The following TBCK variants were observed in gnomAD, a reference collection of about 807,000 sequenced individuals.
TBCK encodes the protein TBC1 domain containing kinase, also known as TBC domain-containing protein kinase-like protein.
In TBCK, 99 loss-of-function variants were observed where a neutral mutation model predicts 113.4. That is an observed-to-expected ratio of 0.87 (90% CI 0.74 to 1.03). TBCK has a LOEUF of 1.03. TBCK is among the 50% of genes least tolerant of loss of function. The probability of loss-of-function intolerance (pLI) is 0.00; values close to 1 mark genes in which losing one functional copy is unlikely to be tolerated. For synonymous variants in TBCK, 369 were observed against 370.8 expected (o/e 1.00, Z 0.05); for missense variants, 1,045 against 1,061.3 (o/e 0.98, Z 0.21).
At chr4:106,272,138 CAG>C (rs72610986) in intron 3 of TBCK, among the ~76,000 whole-genome samples, 19,651 of 152,112 alleles carry the variant, frequency 0.13, 1,588 homozygotes, top group South Asian at 0.24. Context: ...TAGATTTAAA[CAG>C]AACAAAGTTT....
intron 25 of TBCK, among the ~76,000 whole-genome samples, chr4:106,061,374 A>G (rs1736023723): frequency 6.6e-6 from 1 of 151,220 alleles, no homozygotes; most frequent in Non-Finnish European, 1.5e-5. Context: ...ATCAGTGTGG[A>G]GGCAAGACCT....
intron 23 of TBCK, among the ~76,000 whole-genome samples, chr4:106,152,489 A>T (rs1579062147): frequency 1.3e-5 from 2 of 151,802 alleles, no homozygotes; most frequent in African/African-American, 4.8e-5. Context: ...GGTTTGCTAA[A>T]TTTTTTTTGA....
chr4:106,157,731 G>C (rs910167813), intron 23 of TBCK, among the ~76,000 whole-genome samples: 3 of 152,240 alleles, frequency 2.0e-5, no homozygotes, highest in Non-Finnish European at 1.5e-5. Context: ...CTTTTTCAGT[G>C]ACATGAAGTT....
intron 19 of TBCK, among the ~76,000 whole-genome samples, chr4:106,225,408 T>G (rs1032778410): frequency 6.6e-6 from 1 of 152,214 alleles, no homozygotes; most frequent in Non-Finnish European, 1.5e-5. Flanking sequence ...TATTGGATGT[T>G]AAAATGTATT....
rs1560706108 is a variant in TBCK at position 106,137,919 on chromosome 4, TTA to T, written c.2236-21543_2236-21542del. ...TATACGGTATCATTCTGGAGACATT[TTA>T]TCTCTCTGGGCCTCAGTTTTCTCAA... is the stretch of plus-strand genomic sequence containing the variant. On this transcript the variant is annotated intron_variant, in intron 23 of 25. Transcript: ENST00000394708. 1.4e-5 allele frequency among the ~76,000 whole-genome samples: 2 copies of T among 140,874 alleles called. 1 individual carries two copies. Among genetic ancestry groups the T allele is most frequent in the Non-Finnish European group, 3.2e-5 (2 of 61,898 alleles). 92.4% of individuals were successfully genotyped at this position (140,874 alleles called of 152,430 possible).
intron 22 of TBCK, among the ~76,000 whole-genome samples, chr4:106,189,674 A>G (rs562203098): frequency 6.6e-6 from 1 of 152,312 alleles, no homozygotes; most frequent in South Asian, 2.1e-4. Flanking sequence ...ACAAATATTA[A>G]TATCAATTAT....
chr4:106,235,403 T>C, intron 14 of TBCK, 36 bp from the exon 15 acceptor site: 1 of 1,415,722 alleles, frequency 7.1e-7, no homozygotes, highest in Non-Finnish European at 9.8e-7. Flanking sequence ...ACGTCTCAAA[T>C]TACCTAGTGC....
At chr4:106,067,607 C>T (rs878946038) in intron 25 of TBCK, among the ~76,000 whole-genome samples, 1 of 152,210 alleles carries the variant, frequency 6.6e-6, no homozygotes, top group African/African-American at 2.4e-5. Context: ...ACATTTTCCT[C>T]TAAGAGTTTT....
At chr4:106,132,629 G>T (rs528216149) in intron 23 of TBCK, among the ~76,000 whole-genome samples, 28 of 152,184 alleles carry the variant, frequency 1.8e-4, no homozygotes, top group Non-Finnish European at 3.4e-4. Context: ...GATCCACTGA[G>T]AGCTTGCACT....
chr4:106,153,979 C>T (rs1326193900), intron 23 of TBCK, among the ~76,000 whole-genome samples: 1 of 152,006 alleles, frequency 6.6e-6, no homozygotes, highest in Non-Finnish European at 1.5e-5. Context: ...TTGTAGGTAA[C>T]AAACAGATCA....
intron 2 of TBCK, among the ~76,000 whole-genome samples, chr4:106,298,687 G>GA (rs1161000021): frequency 2.6e-5 from 4 of 151,722 alleles, no homozygotes; most frequent in Admixed American, 2.0e-4. Flanking sequence ...GATAAGGAAA[G>GA]AAAAAAAACC....
intron 3 of TBCK, among the ~76,000 whole-genome samples, chr4:106,289,023 C>T (rs772943111): frequency 7.9e-5 from 12 of 152,146 alleles, no homozygotes; most frequent in Non-Finnish European, 1.8e-4. Flanking sequence ...AAAAACAAAT[C>T]CCAAATCCGA....
intron 24 of TBCK, among the ~76,000 whole-genome samples, chr4:106,105,289 G>A (rs1034786855): frequency 1.3e-5 from 2 of 152,194 alleles, no homozygotes; most frequent in African/African-American, 2.4e-5. Context: ...GGCTGACTTC[G>A]CTGAGTGATT....
At chr4:106,264,243 GAA>G (rs5860822) in intron 3 of TBCK, among the ~76,000 whole-genome samples, 17 of 151,718 alleles carry the variant, frequency 1.1e-4, no homozygotes, top group Admixed American at 2.0e-4. Context: ...ATTAAATGAA[GAA>G]AAAAAAATGA....
At chr4:106,056,054 A>G (rs1438153934) in intron 25 of TBCK, among the ~76,000 whole-genome samples, 1 of 151,000 alleles carries the variant, frequency 6.6e-6, no homozygotes, top group African/African-American at 2.4e-5. Context: ...ATACACATCT[A>G]GTAGAAGTCT....
intron 3 of TBCK, among the ~76,000 whole-genome samples, chr4:106,281,731 T>C (rs1307655800): frequency 6.6e-6 from 1 of 152,164 alleles, no homozygotes; most frequent in Non-Finnish European, 1.5e-5. Flanking sequence ...GATTTGCGTA[T>C]GTTGAACCAT....
chr4:106,116,284 G>A lies in TBCK; in HGVS notation c.2330C>T (p.Thr777Ile). The stretch of plus-strand genomic sequence containing the variant: ...CTTGCTGGGTGTTTTGAAGTGGCCT[G>A]TCACTGTGAGCTCACACAAGTCAAT... ...DLIDLCELTV[T>I]GHFKTPSKKT... Residue 777 changes from threonine to isoleucine, a missense_variant, in exon 24 of 26, where the codon ACA becomes ATA. Physicochemically the swap from Thr to Ile is moderately conservative, Grantham distance 89. Transcript: ENST00000394708. 6.2e-7 allele frequency: 1 copy of A among 1,613,926 alleles called. No homozygotes were observed. Among genetic ancestry groups the A allele is most frequent in the Non-Finnish European group, 8.5e-7 (1 of 1,180,006 alleles).
chr4:106,092,390 G>C (rs1012259001), intron 25 of TBCK, among the ~76,000 whole-genome samples: 1 of 152,228 alleles, frequency 6.6e-6, no homozygotes. Flanking sequence ...GTCCCACACC[G>C]TGCACCCACA....
At chr4:106,293,099 G>A (rs532852162) in intron 3 of TBCK, among the ~76,000 whole-genome samples, 191 of 152,270 alleles carry the variant, frequency 1.3e-3, no homozygotes, top group Non-Finnish European at 2.5e-3. Context: ...GAATAGATCC[G>A]CAACCCATTT....
Sources: allele counts gnomAD v4.1 joint callset (sites outside exome capture counted in the v4.1 genomes callset), GRCh38; gene constraint gnomAD v4.1.1; transcripts MANE v1.5; gene names NCBI Gene and HGNC (gene_info 2026-07-23, HGNC 2026-07-21).